The following PRRX1 variants were observed in gnomAD, a reference collection of about 807,000 sequenced individuals.
PRRX1 encodes the protein paired related homeobox 1, also known as paired mesoderm homeobox protein 1.
A neutral mutation model predicts 24.0 loss-of-function variants in PRRX1; 8 were observed. The observed-to-expected ratio is 0.33, with a 90% CI of 0.20 to 0.60. The LOEUF (loss-of-function observed/expected upper bound fraction) is 0.60. PRRX1 is among the 20% of genes least tolerant of loss of function. The pLI is 0.82. For missense variants in PRRX1, 281 were observed against 322.4 expected, an observed-to-expected ratio of 0.87 and a Z score of 0.98; for synonymous variants, 160 against 131.7, an observed-to-expected ratio of 1.22 and a Z score of -1.47.
At chr1:170,735,216 G>C (rs1472476500) in intron 3 of PRRX1, among the ~76,000 whole-genome samples, 1 of 152,170 alleles carries the variant, frequency 6.6e-6, no homozygotes, top group East Asian at 1.9e-4. Context: ...TTTCTGCCTA[G>C]TGGTGTTCTT....
chr1:170,710,355 C>G (rs572171381), intron 1 of PRRX1, among the ~76,000 whole-genome samples: 92 of 152,274 alleles, frequency 6.0e-4, no homozygotes, highest in African/African-American at 2.2e-3. Context: ...AGTCCCATAG[C>G]CCAACTTACA....
chr1:170,701,106 A>G (rs1242837212), intron 1 of PRRX1, among the ~76,000 whole-genome samples: 1 of 152,158 alleles, frequency 6.6e-6, no homozygotes, highest in African/African-American at 2.4e-5. Flanking sequence ...ACTGGTCAAA[A>G]TGTGTATTTT....
intron 1 of PRRX1, among the ~76,000 whole-genome samples, chr1:170,678,845 A>C (rs755424345): frequency 6.6e-6 from 1 of 152,230 alleles, no homozygotes; most frequent in Non-Finnish European, 1.5e-5. Flanking sequence ...CTAATCCTGC[A>C]TATCTTCAAT....
intron 1 of PRRX1, among the ~76,000 whole-genome samples, chr1:170,704,294 A>G (rs773606163): frequency 3.7e-4 from 56 of 152,222 alleles, no homozygotes; most frequent in Non-Finnish European, 1.2e-4. Flanking sequence ...GAAGTTATGA[A>G]CACAATTAAG....
chr1:170,719,733 G>C lies in PRRX1; in HGVS notation c.249G>C (p.Gln83His). The change falls in exon 2 of 4, where the codon CAG becomes CAC. Residue 83 changes from glutamine to histidine, a missense_variant. Physicochemically the swap from Gln to His is conservative, Grantham distance 24 (BLOSUM62 0). Coordinates refer to ENST00000239461, the MANE Select transcript of PRRX1 (RefSeq NM_022716.4). ...CATTGTGTTCTATTCCAGATGACCA[G>C]CTGAACTCAGAAGAAAAAAAGAAGA... is the stretch of plus-strand genomic sequence containing the variant. The part of the protein sequence containing the change: ...GSDTPQQDND[Q>H]LNSEEKKKRK... 2 of 1,614,016 alleles carry C rather than the reference G, an allele frequency of 1.2e-6. No homozygotes were observed. Among genetic ancestry groups the C allele is most frequent in the Non-Finnish European group, 1.7e-6 (2 of 1,179,952 alleles).
chr1:170,715,029 G>A (rs548824553), intron 1 of PRRX1, among the ~76,000 whole-genome samples: 328 of 151,998 alleles, frequency 2.2e-3, no homozygotes, highest in African/African-American at 7.5e-3. Context: ...TCCTGCAGCC[G>A]CTTTTCTAGT....
chr1:170,729,889 G>T (rs1313629206), intron 3 of PRRX1, among the ~76,000 whole-genome samples: 2 of 152,206 alleles, frequency 1.3e-5, no homozygotes, highest in Non-Finnish European at 2.9e-5. Flanking sequence ...AAGAGTGAAA[G>T]CACACACAAG....
chr1:170,677,937 T>C (rs1158014237), intron 1 of PRRX1, among the ~76,000 whole-genome samples: 1 of 152,174 alleles, frequency 6.6e-6, no homozygotes, highest in African/African-American at 2.4e-5. Context: ...ACACAAGGTG[T>C]TAAGGTTTCT....
At chr1:170,683,183 A>C (rs1344812038) in intron 1 of PRRX1, among the ~76,000 whole-genome samples, 3 of 152,212 alleles carry the variant, frequency 2.0e-5, no homozygotes, top group Admixed American at 6.5e-5. Context: ...AGAACAACCC[A>C]ACTGCTTTAT....
chr1:170,665,277 G>A (rs1425147935), intron 1 of PRRX1, among the ~76,000 whole-genome samples: 1 of 152,162 alleles, frequency 6.6e-6, no homozygotes, highest in South Asian at 2.1e-4. Context: ...GCTCTTAAAC[G>A]CCCAGAAAAG....
chr1:170,685,162 T>C (rs552923051), intron 1 of PRRX1, among the ~76,000 whole-genome samples: 69 of 152,360 alleles, frequency 4.5e-4, no homozygotes, highest in African/African-American at 1.6e-3. Flanking sequence ...GTTTATCTCT[T>C]CTTTGAGCTT....
chr1:170,663,545 C>G (rs1169158529), upstream of PRRX1: 3 of 151,472 alleles, frequency 2.0e-5, no homozygotes, highest in Non-Finnish European at 4.4e-5. Context: ...GAATCCTGCT[C>G]TCTAATACAT....
At chr1:170,732,638 C>T (rs1655470168) in intron 3 of PRRX1, among the ~76,000 whole-genome samples, 1 of 152,022 alleles carries the variant, frequency 6.6e-6, no homozygotes, top group Non-Finnish European at 1.5e-5. Context: ...TATTGGAATC[C>T]CTATTTGTAG....
intron 1 of PRRX1, among the ~76,000 whole-genome samples, chr1:170,676,474 AATC>A (rs1246157762): frequency 1.3e-5 from 2 of 152,052 alleles, no homozygotes; most frequent in Non-Finnish European, 2.9e-5. Flanking sequence ...CTTGAAATAT[AATC>A]ATTTCAGCTG....
chr1:170,700,516 C>G (rs2101904070), intron 1 of PRRX1, among the ~76,000 whole-genome samples: 1 of 152,128 alleles, frequency 6.6e-6, no homozygotes, highest in East Asian at 1.9e-4. Flanking sequence ...GAAAACAGAC[C>G]TATACAGGGG....
intron 1 of PRRX1, among the ~76,000 whole-genome samples, chr1:170,699,348 T>G (rs1330128631): frequency 2.0e-5 from 3 of 151,904 alleles, no homozygotes; most frequent in Admixed American, 6.5e-5. Context: ...ACAAAACCCT[T>G]TCAGAGGGGC....
intron 3 of PRRX1, among the ~76,000 whole-genome samples, chr1:170,734,275 C>T (rs2101928058): frequency 6.7e-6 from 1 of 149,056 alleles, no homozygotes; most frequent in East Asian, 2.0e-4. Context: ...ATGACAGAAA[C>T]CAATGACATC....
intron 1 of PRRX1, among the ~76,000 whole-genome samples, chr1:170,685,485 G>A (rs1209008002): frequency 3.3e-5 from 5 of 152,146 alleles, no homozygotes; most frequent in Non-Finnish European, 4.4e-5. Flanking sequence ...TGAAAGTGCT[G>A]TCATCCAAAC....
chr1:170,734,923 C>A (rs1335379849), intron 3 of PRRX1, among the ~76,000 whole-genome samples: 2 of 152,062 alleles, frequency 1.3e-5, no homozygotes, highest in Non-Finnish European at 2.9e-5. Flanking sequence ...GTCACTTGAT[C>A]CCCAGAACCA....
Sources: allele counts gnomAD v4.1 joint callset (sites outside exome capture counted in the v4.1 genomes callset), GRCh38; gene constraint gnomAD v4.1.1; transcripts MANE v1.5; gene names NCBI Gene and HGNC (gene_info 2026-07-23, HGNC 2026-07-21).